The following RBFOX1 variants were observed in gnomAD, a reference collection of about 807,000 sequenced individuals.
The protein encoded by RBFOX1 is RNA binding fox-1 homolog 1.
Under a neutral mutation model 57.7 loss-of-function variants are expected in RBFOX1, and 8 were observed. The observed-to-expected ratio is 0.14, with a 90% CI of 0.08 to 0.25. RBFOX1 has a LOEUF of 0.25. Ranked by LOEUF, RBFOX1 falls within the 10% of genes least tolerant of loss-of-function variation. The pLI is 1.00. For missense variants in RBFOX1, 611 were observed against 548.5 expected (o/e 1.11, Z -1.14); for synonymous variants, 326 against 222.4 (o/e 1.47, Z -4.15).
intron 2 of RBFOX1, among the ~76,000 whole-genome samples, chr16:6,473,265 A>G (rs917347328): frequency 2.0e-5 from 3 of 152,182 alleles, no homozygotes; most frequent in East Asian, 1.9e-4. Flanking sequence ...TTTTGTTGGC[A>G]GGGTACATGT....
intron 2 of RBFOX1, among the ~76,000 whole-genome samples, chr16:6,448,590 G>C (rs1172182346): frequency 6.6e-6 from 1 of 152,106 alleles, no homozygotes; most frequent in East Asian, 1.9e-4. Flanking sequence ...CTGTGCAGTT[G>C]TGACAACCAA....
At chr16:6,953,964 T>C (rs982761670) in intron 3 of RBFOX1, among the ~76,000 whole-genome samples, 32 of 152,232 alleles carry the variant, frequency 2.1e-4, no homozygotes, top group Admixed American at 2.0e-3. Context: ...TTTACAAAAG[T>C]GTTTACAGTT....
intron 2 of RBFOX1, among the ~76,000 whole-genome samples, chr16:5,564,042 C>A (rs537437459): frequency 6.6e-6 from 1 of 152,044 alleles, no homozygotes; most frequent in Non-Finnish European, 1.5e-5. Flanking sequence ...TAGACTGAGT[C>A]TTGCTCTGTC....
chr16:5,325,884 C>T (rs957923250), intron 1 of RBFOX1, among the ~76,000 whole-genome samples: 1 of 152,198 alleles, frequency 6.6e-6, no homozygotes, highest in Non-Finnish European at 1.5e-5. Flanking sequence ...AGCTTCTGTA[C>T]ACATTCATGA....
chr16:6,691,710 A>G lies in RBFOX1; in HGVS notation c.-16+37060A>G, dbSNP rs370696733. Reference sequence around the variant, plus strand: ...ACTGTCCACGTCCTAATCCCCAGGAACCATGGATATGTCACCGCACATGGC... The same window carrying G: ...ACTGTCCACGTCCTAATCCCCAGGAGCCATGGATATGTCACCGCACATGGC... On this transcript the variant is annotated intron_variant, in intron 3 of 15. Transcript: ENST00000550418. 6.6e-5 allele frequency among the ~76,000 whole-genome samples: 10 copies of G among 152,280 alleles called. No individual in the cohort carries two copies. The East Asian group carries it at 1.4e-3, about 21-fold the overall frequency.
intron 4 of RBFOX1, among the ~76,000 whole-genome samples, chr16:7,451,187 A>G (rs2098849934): frequency 6.6e-6 from 1 of 152,202 alleles, no homozygotes; most frequent in Non-Finnish European, 1.5e-5. Context: ...GGTGAGGGAC[A>G]TCGGATTTCT....
chr16:6,929,951 C>T (rs1015427107), intron 3 of RBFOX1, among the ~76,000 whole-genome samples: 11 of 152,136 alleles, frequency 7.2e-5, no homozygotes, highest in Admixed American at 2.6e-4. Context: ...CCCCATAGTT[C>T]GTCAGGAATC....
At chr16:6,250,998 G>C (rs930393867) in intron 1 of RBFOX1, among the ~76,000 whole-genome samples, 1 of 152,054 alleles carries the variant, frequency 6.6e-6, no homozygotes, top group Non-Finnish European at 1.5e-5. Context: ...ATGGGGTGGG[G>C]AGTGTGAGAT....
At chr16:6,826,524 G>A (rs76749516) in intron 3 of RBFOX1, among the ~76,000 whole-genome samples, 2,291 of 152,276 alleles carry the variant, frequency 0.015, 56 homozygotes, top group African/African-American at 0.052. Context: ...ATAAGTGGCA[G>A]TGTGGGCACA....
intron 3 of RBFOX1, among the ~76,000 whole-genome samples, chr16:6,780,766 A>C (rs1603622665): frequency 6.6e-6 from 1 of 151,584 alleles, no homozygotes; most frequent in East Asian, 1.9e-4. Context: ...ATTTTTCCGC[A>C]TACCTTTTGG....
intron 10 of RBFOX1, among the ~76,000 whole-genome samples, chr16:7,625,155 T>G (rs1201538640): frequency 6.6e-6 from 1 of 152,050 alleles, no homozygotes; most frequent in Non-Finnish European, 1.5e-5. Flanking sequence ...CTTAGTCCTT[T>G]AATGTGTAAA....
chr16:6,223,999 A>T lies in RBFOX1; in HGVS notation c.-126-92996A>T, dbSNP rs531888893. The stretch of plus-strand genomic sequence containing the variant: ...CTTGTTTTTGTCAGGTTTGTCAAAG[A>T]TCAGATAGTTGTAGATATGCGGCGT... On this transcript the variant is annotated intron_variant, in intron 1 of 15. Coordinates refer to ENST00000550418, the MANE Select transcript of RBFOX1 (RefSeq NM_018723.4). Among the ~76,000 whole-genome samples the T allele has an allele frequency of 7.2e-5, 11 of 152,228 alleles. No homozygotes were observed. In the South Asian group the frequency reaches 2.1e-3, roughly 29 times the overall value.
In RBFOX1 at chr16:6,388,474, A is replaced by C. The variant is rs114596525; in HGVS notation, c.-64+71417A>C. Among the ~76,000 whole-genome samples the C allele has an allele frequency of 6.6e-3, 1,009 of 152,116 alleles. 8 individuals are homozygous for C. Among genetic ancestry groups the C allele is most frequent in the African/African-American group, 0.024 (975 of 41,456 alleles). ...CATGTGTTTGTTTTTATTTTTACTTATTATTTATTATTTTTAATTAATTTG... is the reference window on the plus strand; with the variant it reads ...CATGTGTTTGTTTTTATTTTTACTTCTTATTTATTATTTTTAATTAATTTG... On this transcript the variant is annotated intron_variant, in intron 2 of 15. Coordinates refer to ENST00000550418, the MANE Select transcript of RBFOX1 (RefSeq NM_018723.4).
intron 3 of RBFOX1, among the ~76,000 whole-genome samples, chr16:6,830,333 C>G (rs2092616975): frequency 6.6e-6 from 1 of 152,160 alleles, no homozygotes; most frequent in African/African-American, 2.4e-5. Context: ...TGGTTAGTTC[C>G]TAACATTGTT....
intron 4 of RBFOX1, among the ~76,000 whole-genome samples, chr16:7,491,208 G>T (rs1488231602): frequency 6.6e-6 from 1 of 151,914 alleles, no homozygotes; most frequent in Non-Finnish European, 1.5e-5. Flanking sequence ...TTTGCTTTCC[G>T]GGCATTGCCA....
intron 3 of RBFOX1, among the ~76,000 whole-genome samples, chr16:6,899,918 C>G (rs1392792552): frequency 6.6e-6 from 1 of 152,146 alleles, no homozygotes; most frequent in African/African-American, 2.4e-5. Context: ...ATGTTCTGAC[C>G]ATAACCATTT....
At chr16:5,517,905 ATATT>A (rs1437192374) in intron 2 of RBFOX1, among the ~76,000 whole-genome samples, 2 of 151,346 alleles carry the variant, frequency 1.3e-5, no homozygotes, top group Non-Finnish European at 2.9e-5. Flanking sequence ...ATATATGTGT[ATATT>A]TATAAAATAT....
chr16:5,874,007 C>A (rs1239422710), intron 4 of RBFOX1, among the ~76,000 whole-genome samples: 1 of 152,114 alleles, frequency 6.6e-6, no homozygotes, highest in Non-Finnish European at 1.5e-5. Flanking sequence ...TCAGAAGGAA[C>A]ACAGAAGAAC....
At position 6,912,388 on chromosome 16, in the gene RBFOX1, A is replaced by G. The variant is rs374383070; in HGVS notation, c.-15-139669A>G. 7.8e-4 allele frequency among the ~76,000 whole-genome samples: 117 copies of G among 149,110 alleles called. 2 individuals are homozygous for G. The highest frequency in any genetic ancestry group is 2.9e-3 in the African/African-American group (117 of 40,436). Reference sequence around the variant, plus strand: ...GTGGATCTCGGAGTGGGGACGGTACATTTTGCGAACCACGGGGCTACTGAA... The same window carrying G: ...GTGGATCTCGGAGTGGGGACGGTACGTTTTGCGAACCACGGGGCTACTGAA... On this transcript the variant is annotated intron_variant, in intron 3 of 15. Coordinates refer to ENST00000550418, the MANE Select transcript of RBFOX1 (RefSeq NM_018723.4).
Sources: allele counts gnomAD v4.1 joint callset (sites outside exome capture counted in the v4.1 genomes callset), GRCh38; gene constraint gnomAD v4.1.1; transcripts MANE v1.5; gene names NCBI Gene and HGNC (gene_info 2026-07-23, HGNC 2026-07-21).